The following PID1 variants were observed in gnomAD, a reference collection of about 807,000 sequenced individuals.
The protein encoded by PID1 is phosphotyrosine interaction domain containing 1.
Under a neutral mutation model 19.1 loss-of-function variants are expected in PID1, and 10 were observed. The observed-to-expected ratio is 0.52, with a 90% CI of 0.32 to 0.89. The LOEUF (loss-of-function observed/expected upper bound fraction) is 0.89. Among genes scored for constraint, PID1 ranks in the 40% least tolerant of loss-of-function variants. PID1 has a pLI of 0.03. For missense variants in PID1, 248 were observed against 285.3 expected, an observed-to-expected ratio of 0.87 and a Z score of 0.94; for synonymous variants, 130 against 116.0, an observed-to-expected ratio of 1.12 and a Z score of -0.78.
At chr2:229,250,995 C>G (rs751746474) in intron 1 of PID1, among the ~76,000 whole-genome samples, 1 of 152,138 alleles carries the variant, frequency 6.6e-6, no homozygotes, top group Non-Finnish European at 1.5e-5. Context: ...GAAATTAACA[C>G]GAGGAGAAGC....
chr2:229,212,558 T>C (rs1476810274), intron 1 of PID1, among the ~76,000 whole-genome samples: 1 of 152,278 alleles, frequency 6.6e-6, no homozygotes, highest in East Asian at 1.9e-4. Flanking sequence ...TTTTAGATTG[T>C]TATTTCCATG....
intron 1 of PID1, among the ~76,000 whole-genome samples, chr2:229,217,797 T>C (rs920849650): frequency 6.6e-6 from 1 of 152,376 alleles, no homozygotes; most frequent in East Asian, 1.9e-4. Context: ...CTGCTTCTCA[T>C]GGCATTCCAA....
At chr2:229,221,973 TACTA>T (rs1691980116) in intron 1 of PID1, among the ~76,000 whole-genome samples, 1 of 152,180 alleles carries the variant, frequency 6.6e-6, no homozygotes, top group Non-Finnish European at 1.5e-5. Context: ...ACATTGCCAT[TACTA>T]GTTGAGGTTC....
chr2:229,217,596 T>C (rs1691877106), intron 1 of PID1, among the ~76,000 whole-genome samples: 1 of 152,148 alleles, frequency 6.6e-6, no homozygotes. Flanking sequence ...AAGGTCAGTG[T>C]ATAATTGGTA....
At chr2:229,192,889 A>G (rs1471133290) in intron 1 of PID1, among the ~76,000 whole-genome samples, 1 of 152,204 alleles carries the variant, frequency 6.6e-6, no homozygotes, top group Non-Finnish European at 1.5e-5. Flanking sequence ...TCAGCCACAC[A>G]GGTTATTAGG....
Position 229,166,331 on chromosome 2 carries a change from G to T in PID1, c.31-10367C>A, listed in dbSNP as rs183307012. 1.1e-4 allele frequency among the ~76,000 whole-genome samples: 16 copies of T among 152,204 alleles called. No individual in the cohort carries two copies. In the East Asian group the frequency reaches 2.9e-3, roughly 28 times the overall value. On this transcript the variant is annotated intron_variant, in intron 1 of 2. Transcript: ENST00000392055. ...TGAGGAACGAAGAGAGGAGAGTGAG[G>T]TACATGAAGAAAGCTTTGTGGCGAT...
chr2:229,270,755 A>G (rs1369861191), intron 1 of PID1, among the ~76,000 whole-genome samples: 2 of 151,924 alleles, frequency 1.3e-5, no homozygotes, highest in Non-Finnish European at 2.9e-5. Flanking sequence ...CCAACCTTAT[A>G]TGTACCAACC....
intron 2 of PID1, among the ~76,000 whole-genome samples, chr2:229,074,782 T>G (rs1694524577): frequency 6.6e-6 from 1 of 152,208 alleles, no homozygotes; most frequent in Non-Finnish European, 1.5e-5. Flanking sequence ...CTTATTTCCT[T>G]TAAATGATCA....
rs542387561 is a variant in PID1, at chr2:229,204,899, T to C, written c.31-48935A>G. Among the ~76,000 whole-genome samples, 13 of 152,268 alleles carry C rather than the reference T, an allele frequency of 8.5e-5. No individual in the cohort carries two copies. In the East Asian group the frequency reaches 2.5e-3, roughly 29 times the overall value. On this transcript the variant is annotated intron_variant, in intron 1 of 2. Coordinates refer to ENST00000392055, the MANE Select transcript of PID1 (RefSeq NM_001100818.2). Reference sequence around the variant, plus strand: ...GCTACTATTCTCTAGGTCAGATTTATGGTGTGAAACTTCTCAGATTACAAT... The same window carrying C: ...GCTACTATTCTCTAGGTCAGATTTACGGTGTGAAACTTCTCAGATTACAAT...
At chr2:229,078,951 T>C (rs1475881620) in intron 2 of PID1, among the ~76,000 whole-genome samples, 1 of 152,228 alleles carries the variant, frequency 6.6e-6, no homozygotes, top group African/African-American at 2.4e-5. Flanking sequence ...GAAGTAAGTG[T>C]AGGTTAGATA....
chr2:229,033,359 C>G (rs1054790200), intron 2 of PID1, among the ~76,000 whole-genome samples: 3 of 152,162 alleles, frequency 2.0e-5, no homozygotes. Flanking sequence ...TCAAGAATGA[C>G]AAGCCAAGAA....
chr2:229,218,131 C>A (rs1691886758), intron 1 of PID1, among the ~76,000 whole-genome samples: 1 of 152,134 alleles, frequency 6.6e-6, no homozygotes, highest in African/African-American at 2.4e-5. Context: ...AGTACTAATT[C>A]TTTTTCAATG....
At chr2:229,164,459 G>T (rs1285859387) in intron 1 of PID1, among the ~76,000 whole-genome samples, 1 of 152,162 alleles carries the variant, frequency 6.6e-6, no homozygotes, top group Non-Finnish European at 1.5e-5. Flanking sequence ...ACTCAATGAG[G>T]ATGGGACATG....
At chr2:229,029,754 C>A (rs532455161) in intron 2 of PID1, among the ~76,000 whole-genome samples, 1 of 151,136 alleles carries the variant, frequency 6.6e-6, no homozygotes, top group Non-Finnish European at 1.5e-5. Context: ...GCAGGAGAAT[C>A]GCTTGAAACC....
chr2:229,261,441 C>G (rs1690458891), intron 1 of PID1, among the ~76,000 whole-genome samples: 1 of 152,174 alleles, frequency 6.6e-6, no homozygotes, highest in South Asian at 2.1e-4. Context: ...GTTGCCACTG[C>G]CCACATTACA....
At chr2:229,196,813 T>C (rs1691387454) in intron 1 of PID1, among the ~76,000 whole-genome samples, 1 of 152,056 alleles carries the variant, frequency 6.6e-6, no homozygotes, top group Non-Finnish European at 1.5e-5. Context: ...CTGAATGTTT[T>C]TGTAAGGATT....
intron 1 of PID1, among the ~76,000 whole-genome samples, chr2:229,188,931 G>A (rs1691195748): frequency 6.6e-6 from 1 of 152,030 alleles, no homozygotes; most frequent in African/African-American, 2.4e-5. Flanking sequence ...TTTTTCTTCT[G>A]TATTAAATTT....
rs1220655762 is a variant in PID1 at position 229,195,352 on chromosome 2, CAT to C, written c.31-39390_31-39389del. Among the ~76,000 whole-genome samples the C allele has an allele frequency of 4.6e-5, 7 of 151,894 alleles. 1 individual carries two copies. In the South Asian group the frequency reaches 8.3e-4, roughly 18 times the overall value. ...AATGAAGTATATATACACACACACA[CAT>C]GCACATACACACATACATATAAACA... On this transcript the variant is annotated intron_variant, in intron 1 of 2. Coordinates refer to ENST00000392055, the MANE Select transcript of PID1 (RefSeq NM_001100818.2).
chr2:229,228,259 T>C (rs1173883383), intron 1 of PID1, among the ~76,000 whole-genome samples: 1 of 148,304 alleles, frequency 6.7e-6, no homozygotes. Flanking sequence ...AGGATTTCTA[T>C]TAGGAGCAGT....
Sources: gnomAD v4.1 joint callset for allele counts (sites outside exome capture counted in the v4.1 genomes callset) on GRCh38, gnomAD v4.1.1 for gene constraint, MANE v1.5 for transcripts, NCBI Gene and HGNC (gene_info 2026-07-23, HGNC 2026-07-21) for gene names.